The following EXPH5 variants were observed in gnomAD, a reference collection of about 807,000 sequenced individuals.
EXPH5 encodes exophilin-5.
EXPH5 carries 42 observed loss-of-function variants against 41.1 expected under a neutral mutation model. The observed-to-expected ratio is 1.02, with a 90% CI of 0.80 to 1.32. The LOEUF is 1.32. Among genes scored for constraint, EXPH5 ranks in the 40% most tolerant of loss-of-function variants. The probability of loss-of-function intolerance (pLI) is 0.00; values close to 1 mark genes in which losing one functional copy is unlikely to be tolerated. For missense variants in EXPH5, 2,298 were observed against 2,314.5 expected (o/e 0.99, Z 0.15); for synonymous variants, 798 against 833.5 (o/e 0.96, Z 0.73).
chr11:108,514,642 G>A lies in EXPH5; in HGVS notation c.865C>T (p.Pro289Ser), dbSNP rs2093711131. Residue 289 changes from proline (P) to serine (S), a missense_variant, in exon 6 of 6, where the codon CCT becomes TCT. Coordinates refer to ENST00000265843, the MANE Select transcript of EXPH5 (RefSeq NM_015065.3). ...ATATCATAAATTGTGCTTGTCCTAGGAGAAAAGGTTTTAAAACCTTCCCTA... is the reference window on the plus strand; with the variant it reads ...ATATCATAAATTGTGCTTGTCCTAGAAGAAAAGGTTTTAAAACCTTCCCTA... ...TPREGFKTFS[P>S]RTSTIYDMYR... The A allele has an allele frequency of 1.2e-6, 2 of 1,606,556 alleles. No homozygotes were observed. Among genetic ancestry groups the A allele is most frequent in the Non-Finnish European group, 1.7e-6 (2 of 1,177,424 alleles).
At chr11:108,583,374 A>G (rs2136117230) in intron 1 of EXPH5, among the ~76,000 whole-genome samples, 1 of 151,750 alleles carries the variant, frequency 6.6e-6, no homozygotes, top group South Asian at 2.1e-4. Context: ...TCTGTCTCAA[A>G]AAAAAAAATA....
chr11:108,568,294 G>A (rs998245817), intron 1 of EXPH5, among the ~76,000 whole-genome samples: 14 of 152,020 alleles, frequency 9.2e-5, no homozygotes, highest in African/African-American at 2.4e-4. Context: ...CCAGGCACGC[G>A]GGTTCCTCTG....
chr11:108,511,809 C>T lies in EXPH5; in HGVS notation c.3698G>A (p.Ser1233Asn), dbSNP rs776170181. The change falls in exon 6 of 6, where the codon AGT becomes AAT. Residue 1233 changes from serine to asparagine, a missense_variant. Physicochemically the swap from Ser to Asn is conservative, Grantham distance 46. Transcript: ENST00000265843. ...GKTLHKVKTTSTFSVSGDEDN... is the reference protein window; with the variant it reads ...GKTLHKVKTTNTFSVSGDEDN... ...TTCATCACCAGAAACAGAAAACGTA[C>T]TAGTCGTCTTAACTTTATGTAATGT... 4 of 1,606,512 alleles carry T rather than the reference C, an allele frequency of 2.5e-6. No homozygotes were observed. The highest frequency in any genetic ancestry group is 3.4e-6 in the Non-Finnish European group (4 of 1,178,042).
At chr11:108,599,022 C>A in the EXPH5 span, among the ~76,000 whole-genome samples, 1 of 4,892 alleles carries the variant, frequency 2.0e-4, no homozygotes, top group African/African-American at 6.7e-4. Flanking sequence ...GTAAGCCCTC[C>A]GGAAAAAGAG....
chr11:108,515,626 C>T (rs2093719991), intron 5 of EXPH5, among the ~76,000 whole-genome samples: 1 of 152,094 alleles, frequency 6.6e-6, no homozygotes, highest in Non-Finnish European at 1.5e-5. Context: ...AAGGTTGGTC[C>T]TATTACTATT....
intron 1 of EXPH5, among the ~76,000 whole-genome samples, chr11:108,592,811 G>T (rs551583279): frequency 1.3e-5 from 2 of 152,156 alleles, no homozygotes; most frequent in African/African-American, 4.8e-5. Context: ...AGTCCCATTC[G>T]CCCACATAAG....
At chr11:108,593,197 C>T (rs1203738916) in intron 1 of EXPH5, among the ~76,000 whole-genome samples, 3 of 151,404 alleles carry the variant, frequency 2.0e-5, no homozygotes, top group Non-Finnish European at 4.4e-5. Context: ...CGCAGCCGAG[C>T]CCGTCTGGTA....
intron 1 of EXPH5, among the ~76,000 whole-genome samples, chr11:108,563,780 G>A (rs1296583317): frequency 6.6e-6 from 1 of 152,136 alleles, no homozygotes; most frequent in Non-Finnish European, 1.5e-5. Context: ...ATGGGGAAAG[G>A]GAAAAGGATC....
Position 108,514,694 on chromosome 11 carries a change from G to C in EXPH5, c.813C>G (p.Ile271Met). The change falls in exon 6 of 6, where the codon ATC (isoleucine) becomes ATG (methionine). Residue 271 changes from isoleucine (I) to methionine (M), a missense_variant. By Grantham distance (10) the Ile-to-Met change is conservative (BLOSUM62 1). Transcript: ENST00000265843. ...KHYNETSNMS[I>M]YDILRPGTPR... is the part of the protein sequence containing the mutation. ...GAGTTCCTGGTCTTAGGATGTCATA[G>C]ATAGACATATTGGAAGTTTCATTAT... 1 of 1,605,518 alleles carries C rather than the reference G, an allele frequency of 6.2e-7. No homozygotes were observed.
intron 1 of EXPH5, among the ~76,000 whole-genome samples, chr11:108,550,804 A>AT (rs1408565811): frequency 1.3e-5 from 2 of 152,010 alleles, no homozygotes; most frequent in Admixed American, 1.3e-4. Context: ...AAATAAATAA[A>AT]AAATAAAAAT....
At chr11:108,606,291 A>G in the EXPH5 span, among the ~76,000 whole-genome samples, 1 of 152,134 alleles carries the variant, frequency 6.6e-6, no homozygotes, top group Non-Finnish European at 1.5e-5. Flanking sequence ...CCTGTCAGGC[A>G]TGCCTGCCCA....
rs763751122 is a variant in EXPH5 at position 108,513,854 on chromosome 11, C to T, written c.1653G>A (p.Trp551Ter). 3.1e-6 allele frequency: 5 copies of T among 1,604,990 alleles called. No individual in the cohort carries two copies. The highest frequency in any genetic ancestry group is 4.3e-6 in the Non-Finnish European group (5 of 1,175,780). Residue 551 changes from tryptophan to a stop codon, truncating the protein, a stop_gained, in exon 6 of 6, where the codon TGG (tryptophan) becomes TGA (stop). Coordinates refer to ENST00000265843, the MANE Select transcript of EXPH5 (RefSeq NM_015065.3). LOFTEE classifies it low-confidence loss of function (END_TRUNC). The stretch of plus-strand genomic sequence containing the variant: ...GTGTGGATCTCTGAAAATCAAACTG[C>T]CAAGGATGTGGCTCTTCTTGGCCTC... Reference protein sequence around the residue: ...VSRGQEEPHPWQFDFQRSTLD... With the variant: ...VSRGQEEPHP
At chr11:108,563,469 C>T (rs1294293111) in intron 1 of EXPH5, among the ~76,000 whole-genome samples, 1 of 152,152 alleles carries the variant, frequency 6.6e-6, no homozygotes, top group Non-Finnish European at 1.5e-5. Flanking sequence ...TGTGGGTGAA[C>T]CCCTGGATTC....
At chr11:108,568,510 C>T (rs183229037) in intron 1 of EXPH5, among the ~76,000 whole-genome samples, 1 of 152,268 alleles carries the variant, frequency 6.6e-6, no homozygotes, top group African/African-American at 2.4e-5. Context: ...GTCCACACCT[C>T]CCCCCAACCC....
intron 1 of EXPH5, among the ~76,000 whole-genome samples, chr11:108,587,840 C>T (rs1262865014): frequency 6.6e-6 from 1 of 152,188 alleles, no homozygotes; most frequent in East Asian, 1.9e-4. Context: ...GCAACCTCCA[C>T]CTCCTGGGTT....
Position 108,514,088 on chromosome 11 carries a change from C to T in EXPH5, c.1419G>A (p.Arg473=). 1.2e-6 allele frequency: 2 copies of T among 1,613,974 alleles called. No individual in the cohort carries two copies. The highest frequency in any genetic ancestry group is 1.3e-5 in the African/African-American group (1 of 75,050). The part of the protein sequence containing the change: ...SNTFGRSGEQ[R]RFGQGPFWGQ... ...CCCAAAAAGGACCTTGTCCAAATCTCCTCTGTTCTCCGCTTCGTCCAAAGG... is the reference window on the plus strand; with the variant it reads ...CCCAAAAAGGACCTTGTCCAAATCTTCTCTGTTCTCCGCTTCGTCCAAAGG... The change falls in exon 6 of 6, where the codon AGG becomes AGA. Residue 473 remains arginine, a synonymous_variant. Coordinates refer to ENST00000265843, the MANE Select transcript of EXPH5 (RefSeq NM_015065.3).
chr11:108,604,458 C>G, the EXPH5 span, among the ~76,000 whole-genome samples: 2 of 152,016 alleles, frequency 1.3e-5, no homozygotes, highest in South Asian at 4.1e-4. Context: ...AACTTTATTT[C>G]CTTTTATTTC....
In EXPH5 at chr11:108,513,984, T is replaced by A. The variant is rs750333083; in HGVS notation, c.1523A>T (p.Glu508Val). The change falls in exon 6 of 6, where the codon GAA (glutamate) becomes GTA (valine). Residue 508 changes from glutamate (E) to valine (V), a missense_variant. Coordinates refer to ENST00000265843, the MANE Select transcript of EXPH5 (RefSeq NM_015065.3). ...ACTATTTGCTTCCATGGAAATCATT[T>A]CAAAGTCTCTGTCAGAAGAACTGAA... Reference protein sequence around the residue: ...KSFSSSDRDFEMISMEANSVS... With the variant: ...KSFSSSDRDFVMISMEANSVS... 6.2e-7 allele frequency: 1 copy of A among 1,611,548 alleles called. No homozygotes were observed. The highest frequency in any genetic ancestry group is 2.2e-5 in the East Asian group (1 of 44,884).
intron 1 of EXPH5, among the ~76,000 whole-genome samples, chr11:108,572,157 T>C (rs182480871): frequency 6.6e-6 from 1 of 152,244 alleles, no homozygotes; most frequent in Admixed American, 6.5e-5. Flanking sequence ...AACCAGCTTG[T>C]GGGCACGACA....
Sources: allele counts gnomAD v4.1 joint callset (sites outside exome capture counted in the v4.1 genomes callset), GRCh38; gene constraint gnomAD v4.1.1; transcripts MANE v1.5; gene names NCBI Gene and HGNC (gene_info 2026-07-23, HGNC 2026-07-21).